The following DPP6 variants were observed in gnomAD, a reference collection of about 807,000 sequenced individuals.
The protein encoded by DPP6 is dipeptidyl peptidase like 6, also known as A-type potassium channel modulatory protein DPP6.
Under a neutral mutation model 122.6 loss-of-function variants are expected in DPP6, and 69 were observed. The observed-to-expected ratio is 0.56, with a 90% CI of 0.46 to 0.69. DPP6 has a LOEUF of 0.69. Ranked by LOEUF, DPP6 falls within the 30% of genes least tolerant of loss-of-function variation. The pLI is 0.00. For missense variants in DPP6, 928 were observed against 1,116.9 expected, an observed-to-expected ratio of 0.83 and a Z score of 2.41; for synonymous variants, 418 against 433.1, an observed-to-expected ratio of 0.97 and a Z score of 0.43.
chr7:154,066,828 G>A (rs1190246893), intron 1 of DPP6, among the ~76,000 whole-genome samples: 2 of 152,128 alleles, frequency 1.3e-5, no homozygotes, highest in Non-Finnish European at 2.9e-5. Flanking sequence ...GTCAGTCTGG[G>A]GAGAGACAGG....
chr7:154,290,986 C>A (rs1032178989), intron 1 of DPP6, among the ~76,000 whole-genome samples: 2 of 152,268 alleles, frequency 1.3e-5, no homozygotes, highest in South Asian at 4.1e-4. Flanking sequence ...AAGTAGGGAC[C>A]AATCTGGAAT....
intron 25 of DPP6, chr7:154,891,362 T>G (rs1292554581): frequency 6.6e-6 from 1 of 152,212 alleles, no homozygotes; most frequent in African/African-American, 2.4e-5. Context: ...TATTGGCATC[T>G]GGGACCGAAT....
At chr7:154,064,095 T>G (rs1802508825) in intron 1 of DPP6, among the ~76,000 whole-genome samples, 1 of 152,088 alleles carries the variant, frequency 6.6e-6, no homozygotes, top group Admixed American at 6.5e-5. Flanking sequence ...CACTGAGTTG[T>G]TCAATGGTAG....
At chr7:154,249,559 TA>T (rs1484773527) in intron 1 of DPP6, among the ~76,000 whole-genome samples, 1 of 152,216 alleles carries the variant, frequency 6.6e-6, no homozygotes, top group Non-Finnish European at 1.5e-5. Flanking sequence ...TCAGCTGTTA[TA>T]AAAATCATGC....
At chr7:153,886,055 A>AC (rs1030993192), upstream of DPP6, among the ~76,000 whole-genome samples, 25 of 149,512 alleles carry the variant, frequency 1.7e-4, no homozygotes, top group Non-Finnish European at 3.4e-4. Context: ...AGCTTCCCAA[A>AC]CCCCTCCCAG....
intron 7 of DPP6, among the ~76,000 whole-genome samples, chr7:154,696,278 C>T (rs1330544468): frequency 6.6e-6 from 1 of 152,158 alleles, no homozygotes; most frequent in Admixed American, 6.5e-5. Context: ...AAGTCGTGTA[C>T]CCCTGGGGTG....
intron 7 of DPP6, among the ~76,000 whole-genome samples, chr7:154,699,313 T>A (rs980834775): frequency 2.6e-5 from 4 of 152,206 alleles, no homozygotes. Context: ...TAGAAAGATA[T>A]TGAAAATTCA....
chr7:153,964,994 TCC>T (rs1795614559), intron 1 of DPP6, among the ~76,000 whole-genome samples: 1 of 57,566 alleles, frequency 1.7e-5, no homozygotes, highest in Non-Finnish European at 3.5e-5. Context: ...CTTCCTTCCT[TCC>T]TTTCTTCCTT....
intron 1 of DPP6, among the ~76,000 whole-genome samples, chr7:153,978,860 T>A (rs995043551): frequency 4.6e-5 from 7 of 151,966 alleles, no homozygotes; most frequent in Non-Finnish European, 8.8e-5. Flanking sequence ...ATGGTTGTAG[T>A]TGTGCAGTGT....
At chr7:154,622,717 G>A (rs569047573) in intron 5 of DPP6, among the ~76,000 whole-genome samples, 55 of 152,264 alleles carry the variant, frequency 3.6e-4, no homozygotes, top group African/African-American at 1.1e-3. Flanking sequence ...ATGGTCATTC[G>A]TTTATGGGGA....
chr7:154,449,363 A>T (rs576087282), intron 2 of DPP6, among the ~76,000 whole-genome samples: 1 of 152,332 alleles, frequency 6.6e-6, no homozygotes, highest in Non-Finnish European at 1.5e-5. Flanking sequence ...TGAAAATCAA[A>T]TCACAATGAA....
chr7:154,226,557 C>T (rs963119288), intron 1 of DPP6, among the ~76,000 whole-genome samples: 7 of 152,132 alleles, frequency 4.6e-5, no homozygotes, highest in African/African-American at 1.4e-4. Flanking sequence ...TGTCTTTCTT[C>T]GTACAGTATT....
intron 1 of DPP6, among the ~76,000 whole-genome samples, chr7:153,981,102 G>T (rs961148197): frequency 2.6e-5 from 4 of 152,150 alleles, no homozygotes; most frequent in African/African-American, 9.7e-5. Context: ...GAATATCCTT[G>T]TTAATTTTAT....
rs1563313649 is a variant in DPP6 at position 154,877,240 on chromosome 7, G to GCT, written c.2078+1141_2078+1142dup. On this transcript the variant is annotated intron_variant, in intron 20 of 25. Coordinates refer to ENST00000377770, the MANE Select transcript of DPP6 (RefSeq NM_130797.4). This position sits in a 1 kb window ranked among gnomAD's most constrained non-coding sequence, Gnocchi z 5.2. ...AATGGTTCCGGTCCTCCTCCAGGGA[G>GCT]CTATGAGCTGGGTGATGGCAGACAA... The GCT allele has an allele frequency of 6.6e-6, 1 of 152,272 alleles. No homozygotes were observed. Among genetic ancestry groups the GCT allele is most frequent in the Admixed American group, 6.5e-5 (1 of 15,286 alleles). The allele number at this position is 152,272 out of a possible 1,614,324, so 9.4% of individuals were successfully genotyped here.
chr7:153,790,289 T>C, the DPP6 span, among the ~76,000 whole-genome samples: 1 of 152,140 alleles, frequency 6.6e-6, no homozygotes, highest in African/African-American at 2.4e-5. Context: ...TGTTGACCTC[T>C]AGGGATATTA....
At chr7:153,954,914 G>T (rs1232282477) in intron 1 of DPP6, among the ~76,000 whole-genome samples, 1 of 98,386 alleles carries the variant, frequency 1.0e-5, no homozygotes, top group Non-Finnish European at 1.9e-5. Context: ...ATGCTGATTC[G>T]TGCATAAACA....
chr7:153,985,440 G>A (rs1796795060), intron 1 of DPP6, among the ~76,000 whole-genome samples: 1 of 152,188 alleles, frequency 6.6e-6, no homozygotes, highest in Non-Finnish European at 1.5e-5. Flanking sequence ...ATTCTGTCAA[G>A]GACTAATGTC....
intron 2 of DPP6, among the ~76,000 whole-genome samples, chr7:154,454,776 A>G (rs1820683119): frequency 6.6e-6 from 1 of 152,208 alleles, no homozygotes. Context: ...GTTGGAAGGA[A>G]AGAAAGGGCA....
At chr7:154,724,416 A>G (rs1239147959) in intron 7 of DPP6, among the ~76,000 whole-genome samples, 1 of 152,110 alleles carries the variant, frequency 6.6e-6, no homozygotes, top group African/African-American at 2.4e-5. Context: ...GGTTCTTCTC[A>G]TAGTCTCAAT....
Sources: gnomAD v4.1 joint callset for allele counts (sites outside exome capture counted in the v4.1 genomes callset) on GRCh38, gnomAD v4.1.1 for gene constraint, Gnocchi (gnomAD v3.1) non-coding constraint, MANE v1.5 for transcripts, NCBI Gene and HGNC (gene_info 2026-07-23, HGNC 2026-07-21) for gene names.